Variants in ABCA7 observed in about 807,000 individuals in gnomAD.
The protein encoded by ABCA7 is phospholipid-transporting ATPase ABCA7.
Under a neutral mutation model 227.6 loss-of-function variants are expected in ABCA7, and 261 were observed. The observed-to-expected ratio is 1.15, with a 90% CI of 1.04 to 1.27. The LOEUF is 1.27. Among genes scored for constraint, ABCA7 ranks in the 50% most tolerant of loss-of-function variants. ABCA7 has a pLI of 0.00. For missense variants in ABCA7, 3,331 were observed against 2,924.5 expected, an observed-to-expected ratio of 1.14 and a Z score of -3.21; for synonymous variants, 1,488 against 1,279.7, an observed-to-expected ratio of 1.16 and a Z score of -3.47.
chr19:1,044,591 G>T lies in ABCA7; in HGVS notation c.1062G>T (p.Met354Ile), dbSNP rs1404156803. The T allele has an allele frequency of 6.2e-7, 1 of 1,612,234 alleles. No homozygotes were observed. The highest frequency in any genetic ancestry group is 1.3e-5 in the African/African-American group (1 of 75,046). ...NVAMLQRLLQ[M>I]QDEGRRQPRP... ...GCGCCCCCCAGCGGCTCCTGCAGAT[G>T]CAGGATGAAGGAAGAAGGCAGCCCA... Residue 354 changes from methionine to isoleucine, a missense_variant, in exon 11 of 47, where the codon ATG (methionine) becomes ATT (isoleucine). By Grantham distance (10) the Met-to-Ile change is conservative (BLOSUM62 1). Coordinates refer to ENST00000263094, the MANE Select transcript of ABCA7 (RefSeq NM_019112.4).
chr19:1,043,641 C>G (rs2040282151), intron 9 of ABCA7, 84 bp from the exon 10 acceptor site: 1 of 1,532,286 alleles, frequency 6.5e-7, no homozygotes, highest in South Asian at 1.1e-5. Context: ...GAGGCACACG[C>G]AGGAGCAAGG....
intron 5 of ABCA7, 60 bp from the exon 6 acceptor site, chr19:1,042,255 G>C: frequency 1.3e-6 from 2 of 1,585,716 alleles, no homozygotes; most frequent in South Asian, 1.1e-5. Flanking sequence ...CACAGGGTGG[G>C]GGTGGGTGCC....
intron 9 of ABCA7, 80 bp downstream of exon 9, chr19:1,043,553 C>G: frequency 1.2e-6 from 2 of 1,604,944 alleles, no homozygotes; most frequent in Non-Finnish European, 1.7e-6. Context: ...GGGCCAGGGC[C>G]AGGCCGGAGG....
Position 1,065,066 on chromosome 19 carries a change from G to C in ABCA7, c.6180G>C (p.Pro2060=). The C allele has an allele frequency of 6.4e-7, 1 of 1,563,688 alleles. No individual in the cohort carries two copies. The highest frequency in any genetic ancestry group is 8.7e-7 in the Non-Finnish European group (1 of 1,155,834). Residue 2060 remains proline (P), a synonymous_variant, in exon 46 of 47, where the codon CCG becomes CCC. Transcript: ENST00000263094. ...GAGGCCGCCTGCGCTTCCAGCTGCC[G>C]CCGGGAGGGCGCTGCGCCCTGGCGC... ...AHGGRLRFQL[P]PGGRCALARV... is the part of the protein sequence containing the mutation.
In ABCA7 at chr19:1,064,146, G is replaced by C. The variant is rs769901839; in HGVS notation, c.5952-15G>C. 69 of 1,547,412 alleles carry C rather than the reference G, an allele frequency of 4.5e-5. No homozygotes were observed. Among genetic ancestry groups the C allele is most frequent in the Non-Finnish European group, 5.7e-5 (65 of 1,146,126 alleles). ...GCCCCGGCCTCACGGAGCTCGTGGT[G>C]CCGGGTCCCGACAGCATGGAGGAGT... On this transcript the variant is annotated splice_polypyrimidine_tract_variant and intron_variant, in intron 44 of 46. Transcript: ENST00000263094.
chr19:1,061,958 C>T (rs2042684987), intron 41 of ABCA7, 70 bp downstream of exon 41: 4 of 1,474,654 alleles, frequency 2.7e-6, no homozygotes, highest in Non-Finnish European at 3.6e-6. Flanking sequence ...CCCCACCCCT[C>T]CACCTCCAGT....
At chr19:1,064,328 G>C in intron 45 of ABCA7, 75 bp downstream of exon 45, 1 of 1,414,468 alleles carries the variant, frequency 7.1e-7, no homozygotes, top group African/African-American at 1.4e-5. Context: ...GAGGCCAGAC[G>C]TAGAGCCGGG....
Position 1,047,174 on chromosome 19 carries a change from C to T in ABCA7, c.1863C>T (p.Pro621=). The T allele has an allele frequency of 6.2e-7, 1 of 1,604,348 alleles. No homozygotes were observed. Among genetic ancestry groups the T allele is most frequent in the African/African-American group, 1.3e-5 (1 of 74,706 alleles). Residue 621 remains proline (P), a synonymous_variant, in exon 15 of 47, where the codon CCC becomes CCT. Coordinates refer to ENST00000263094, the MANE Select transcript of ABCA7 (RefSeq NM_019112.4). Reference sequence around the variant, plus strand: ...TCTCACAGCTGGGAGACATCCTCCCCTACAGCCACCCGGGCGTGGTCTTCC... The same window carrying T: ...TCTCACAGCTGGGAGACATCCTCCCTTACAGCCACCCGGGCGTGGTCTTCC... ...VLVLKLGDIL[P]YSHPGVVFLF... is the part of the protein sequence containing the mutation.
chr19:1,063,219 C>T (rs1178890412), intron 42 of ABCA7, among the ~76,000 whole-genome samples: 4 of 140,490 alleles, frequency 2.8e-5, no homozygotes, highest in African/African-American at 8.2e-5. Context: ...AGTGTGGCCC[C>T]GCCCCATACT....
At chr19:1,061,682 A>C in intron 40 of ABCA7, 100 bp from the exon 41 acceptor site, 1 of 1,163,154 alleles carries the variant, frequency 8.6e-7, no homozygotes, top group Non-Finnish European at 1.2e-6. Flanking sequence ...CTGGGAAACA[A>C]GAGCAAAACT....
rs1317769653 is a variant in ABCA7, at chr19:1,056,196, A to T, written c.4369A>T (p.Asn1457Tyr). Residue 1457 changes from asparagine to tyrosine, a missense_variant, in exon 32 of 47, where the codon AAC becomes TAC. Transcript: ENST00000263094. This position sits in a 1 kb window ranked among gnomAD's most constrained non-coding sequence, Gnocchi z 4.3. ...CGGGGCCCTCGACCGTGTCCTGAAA[A>T]ACCTCACAGCCTGGGCTCACAGCCT... ...PGGALDRVLK[N>Y]LTAWAHSLDA... 19 of 1,605,284 alleles carry T rather than the reference A, an allele frequency of 1.2e-5. No homozygotes were observed. The highest frequency in any genetic ancestry group is 1.6e-5 in the Non-Finnish European group (19 of 1,177,532).
Position 1,054,978 on chromosome 19 carries a change from T to C in ABCA7, c.3950+100T>C. 2.6e-6 allele frequency: 4 copies of C among 1,534,352 alleles called. No individual in the cohort carries two copies. Among genetic ancestry groups the C allele is most frequent in the Non-Finnish European group, 3.5e-6 (4 of 1,136,260 alleles). ...CTCAGGGGGCACCTGGAGCATCCCC[T>C]GTGCCCACCTGGGAGCTGGGAGCCT... On this transcript the variant is annotated intron_variant, in intron 29 of 46. Coordinates refer to ENST00000263094, the MANE Select transcript of ABCA7 (RefSeq NM_019112.4). This position sits in a 1 kb window ranked among gnomAD's most constrained non-coding sequence, Gnocchi z 4.8.
chr19:1,057,017 A>G lies in ABCA7; in HGVS notation c.4697A>G (p.Lys1566Arg), dbSNP rs1448096485. ...VLIEERVTRA[K>R]HLQLMGGLSP... ...ATTGAGGAGCGAGTCACCCGAGCCAAGCACCTGCAGCTCATGGGGGGCCTG... is the reference window on the plus strand; with the variant it reads ...ATTGAGGAGCGAGTCACCCGAGCCAGGCACCTGCAGCTCATGGGGGGCCTG... The change falls in exon 34 of 47, where the codon AAG becomes AGG. Residue 1566 changes from lysine to arginine, a missense_variant. Transcript: ENST00000263094. 1 of 1,613,874 alleles carries G rather than the reference A, an allele frequency of 6.2e-7. No homozygotes were observed. Among genetic ancestry groups the G allele is most frequent in the Non-Finnish European group, 8.5e-7 (1 of 1,179,994 alleles).
chr19:1,054,797 A>G lies in ABCA7; in HGVS notation c.3869A>G (p.Asp1290Gly). The change falls in exon 29 of 47, where the codon GAC becomes GGC. Residue 1290 changes from aspartate (D) to glycine (G), a missense_variant. Asp to Gly is a moderately conservative substitution (Grantham distance 94). Transcript: ENST00000263094. The surrounding 1 kb of genome is among the most constrained non-coding windows in gnomAD (Gnocchi z 4.8). ...VSFFSEDAPG[D>G]PGRARLLEAL... ...ACACACAGTGAGGACGCCCCAGGGGACCCTGGACGTGCCCGGCTGCTCGAG... is the reference window on the plus strand; with the variant it reads ...ACACACAGTGAGGACGCCCCAGGGGGCCCTGGACGTGCCCGGCTGCTCGAG... The G allele has an allele frequency of 6.3e-7, 1 of 1,595,536 alleles. No individual in the cohort carries two copies. Among genetic ancestry groups the G allele is most frequent in the East Asian group, 2.3e-5 (1 of 43,746 alleles).
intron 16 of ABCA7, among the ~76,000 whole-genome samples, chr19:1,048,191 TAAAA>T (rs35966146): frequency 3.0e-5 from 3 of 101,438 alleles, no homozygotes; most frequent in Non-Finnish European, 3.8e-5. Flanking sequence ...TCCATCTCTT[TAAAA>T]AAAAAAAAAA....
In ABCA7 at chr19:1,042,052, C is replaced by G; in HGVS notation, c.303-12C>G. The G allele has an allele frequency of 6.3e-7, 1 of 1,589,340 alleles. No homozygotes were observed. Among genetic ancestry groups the G allele is most frequent in the Non-Finnish European group, 8.5e-7 (1 of 1,173,928 alleles). On this transcript the variant is annotated splice_polypyrimidine_tract_variant and intron_variant, in intron 4 of 46. Transcript: ENST00000263094. ...GCCGGAACCCCGCCTCCTGCCCTCT[C>G]TCTGTCCCCAGGGTCTCCCGGCTGC...
At chr19:1,058,967 G>T (rs777523562) in intron 39 of ABCA7, 27 bp downstream of exon 39, 2 of 1,612,320 alleles carry the variant, frequency 1.2e-6, no homozygotes, top group South Asian at 2.2e-5. Flanking sequence ...CGACTGCTGG[G>T]TGGGGGGTGC....
In ABCA7 at chr19:1,044,665, CT is replaced by C. The variant is rs1352328056; in HGVS notation, c.1137del (p.Ser381AlafsTer23). ...GAGGCCCTGCGATCCTTTCTGGACCCTGGGAGCGGTGGCTACAGCTGGCAGG... is the reference window on the plus strand; with the variant it reads ...GAGGCCCTGCGATCCTTTCTGGACCCGGGAGCGGTGGCTACAGCTGGCAGG... Reference protein sequence around the residue: ...HMEALRSFLDPGSGGYSWQDA... With the variant: ...HMEALRSFLDXGSGGYSWQDA... On this transcript the variant is annotated frameshift_variant, in exon 11 of 47. Coordinates refer to ENST00000263094, the MANE Select transcript of ABCA7 (RefSeq NM_019112.4). LOFTEE classifies it high-confidence loss of function. The C allele has an allele frequency of 6.2e-7, 1 of 1,613,168 alleles. No homozygotes were observed. The highest frequency in any genetic ancestry group is 8.5e-7 in the Non-Finnish European group (1 of 1,179,972).
chr19:1,047,528 C>T lies in ABCA7; in HGVS notation c.2143C>T (p.Gln715Ter). ...GCTGGAGGAGCAGGGCGAGGGCGCGCAGTGGCACAACGTGGGCACCCGGCC... is the reference window on the plus strand; with the variant it reads ...GCTGGAGGAGCAGGGCGAGGGCGCGTAGTGGCACAACGTGGGCACCCGGCC... ...ALLEEQGEGA[Q>*]WHNVGTRPTA... The change falls in exon 16 of 47, where the codon CAG becomes TAG. Residue 715 changes from glutamine (Q) to a stop codon, truncating the protein, a stop_gained. Transcript: ENST00000263094. LOFTEE classifies it high-confidence loss of function. 1 of 1,595,910 alleles carries T rather than the reference C, an allele frequency of 6.3e-7. No homozygotes were observed. Among genetic ancestry groups the T allele is most frequent in the Non-Finnish European group, 8.5e-7 (1 of 1,176,504 alleles).
Sources: gnomAD v4.1 joint callset for allele counts (sites outside exome capture counted in the v4.1 genomes callset) on GRCh38, gnomAD v4.1.1 for gene constraint, Gnocchi (gnomAD v3.1) non-coding constraint, MANE v1.5 for transcripts, NCBI Gene and HGNC (gene_info 2026-07-23, HGNC 2026-07-21) for gene names.